Variants in GALNT13 observed in about 807,000 individuals in gnomAD.
GALNT13 encodes the protein UDP-GalNAc:polypeptide N-acetylgalactosaminyltransferase 13.
Under a neutral mutation model 64.2 loss-of-function variants are expected in GALNT13, and 28 were observed. The observed-to-expected ratio is 0.44, with a 90% CI of 0.32 to 0.60. GALNT13 has a LOEUF of 0.60. Ranked by LOEUF, GALNT13 falls within the 20% of genes least tolerant of loss-of-function variation. The pLI, the probability that GALNT13 is intolerant of heterozygous loss-of-function variation, is 0.05. For missense variants in GALNT13, 577 were observed against 669.8 expected, an observed-to-expected ratio of 0.86 and a Z score of 1.53; for synonymous variants, 214 against 224.6, an observed-to-expected ratio of 0.95 and a Z score of 0.42.
chr2:153,179,953 T>A, the GALNT13 span, among the ~76,000 whole-genome samples: 8 of 152,162 alleles, frequency 5.3e-5, no homozygotes, highest in Non-Finnish European at 1.0e-4. Context: ...TTTCTAGATA[T>A]AAGATTATGT....
chr2:153,364,487 C>T, the GALNT13 span, among the ~76,000 whole-genome samples: 1 of 152,038 alleles, frequency 6.6e-6, no homozygotes, highest in Non-Finnish European at 1.5e-5. Context: ...TAGAAAATTC[C>T]ATCATCTCAG....
At chr2:154,171,130 G>C (rs2105700294) in intron 4 of GALNT13, among the ~76,000 whole-genome samples, 1 of 152,200 alleles carries the variant, frequency 6.6e-6, no homozygotes, top group Non-Finnish European at 1.5e-5. Flanking sequence ...GCTGAAAAAA[G>C]TAACTGAGGT....
At chr2:153,833,638 G>A in the GALNT13 span, among the ~76,000 whole-genome samples, 1 of 152,074 alleles carries the variant, frequency 6.6e-6, no homozygotes, top group Non-Finnish European at 1.5e-5. Context: ...TGTACATACG[G>A]TTCAGTACTA....
At chr2:153,699,326 A>T in the GALNT13 span, among the ~76,000 whole-genome samples, 2 of 152,180 alleles carry the variant, frequency 1.3e-5, no homozygotes, top group Non-Finnish European at 2.9e-5. Flanking sequence ...TATCTCTGGG[A>T]CACAGCTAAA....
the GALNT13 span, among the ~76,000 whole-genome samples, chr2:153,383,112 T>C: frequency 1.1e-4 from 17 of 152,088 alleles, no homozygotes; most frequent in Non-Finnish European, 2.4e-4. Context: ...TAGTAGTGAA[T>C]TCACAAACTA....
At chr2:154,198,478 G>A (rs1292580687) in intron 4 of GALNT13, among the ~76,000 whole-genome samples, 1 of 151,872 alleles carries the variant, frequency 6.6e-6, no homozygotes, top group East Asian at 1.9e-4. Flanking sequence ...CATTCATAAT[G>A]ATTGTGTTTT....
intron 7 of GALNT13, chr2:154,257,592 G>A (rs1195798114): frequency 6.6e-6 from 1 of 152,056 alleles, no homozygotes. Context: ...TTCATGATAG[G>A]AACCCAGCAA....
chr2:153,567,938 T>C, the GALNT13 span, among the ~76,000 whole-genome samples: 3 of 152,220 alleles, frequency 2.0e-5, no homozygotes, highest in Non-Finnish European at 4.4e-5. Flanking sequence ...TAAGCTTACT[T>C]AGCATTTGGT....
chr2:153,159,013 G>T, the GALNT13 span: 1 of 171,056 alleles, frequency 5.8e-6, no homozygotes, highest in East Asian at 1.4e-4. Flanking sequence ...CCCAGTCCAG[G>T]GGTATTGCAG....
the GALNT13 span, among the ~76,000 whole-genome samples, chr2:153,109,683 C>T: frequency 1.3e-5 from 2 of 152,100 alleles, no homozygotes; most frequent in Non-Finnish European, 2.9e-5. Flanking sequence ...TTTTATTCTT[C>T]TTCTGTGGAC....
chr2:153,883,843 T>C (rs528868003), intron 1 of GALNT13, among the ~76,000 whole-genome samples: 7 of 152,170 alleles, frequency 4.6e-5, no homozygotes, highest in Non-Finnish European at 1.0e-4. Flanking sequence ...AAATGAATAA[T>C]ATTTTTATAT....
the GALNT13 span, among the ~76,000 whole-genome samples, chr2:153,771,421 T>C: frequency 6.6e-6 from 1 of 152,040 alleles, no homozygotes; most frequent in East Asian, 1.9e-4. Context: ...AAGGAAATGG[T>C]ACCTCAGGCT....
intron 9 of GALNT13, among the ~76,000 whole-genome samples, chr2:154,302,596 G>T (rs1693505238): frequency 6.6e-6 from 1 of 152,204 alleles, no homozygotes; most frequent in Non-Finnish European, 1.5e-5. Context: ...AGTGAACCTG[G>T]CCCAAGGCAC....
At chr2:153,828,098 G>T in the GALNT13 span, among the ~76,000 whole-genome samples, 2 of 152,220 alleles carry the variant, frequency 1.3e-5, no homozygotes, top group African/African-American at 2.4e-5. Context: ...CTGTCGCTTT[G>T]CAGGGTACAG....
chr2:153,662,504 G>C, the GALNT13 span, among the ~76,000 whole-genome samples: 1 of 152,172 alleles, frequency 6.6e-6, no homozygotes, highest in Non-Finnish European at 1.5e-5. Flanking sequence ...CAATCAGGAA[G>C]TCAAACCTAA....
At chr2:154,236,227 A>C in intron 4 of GALNT13, 1 of 891,936 alleles carries the variant, frequency 1.1e-6, no homozygotes, top group Non-Finnish European at 1.4e-6. Context: ...AGAGATGTTA[A>C]CCTCATGCAT....
chr2:154,313,108 A>G (rs1694134539), intron 9 of GALNT13, among the ~76,000 whole-genome samples: 1 of 151,556 alleles, frequency 6.6e-6, no homozygotes, highest in Non-Finnish European at 1.5e-5. Flanking sequence ...TTGAATAATT[A>G]TGTTCTCAAA....
intron 11 of GALNT13, among the ~76,000 whole-genome samples, chr2:154,428,024 G>A (rs1264763840): frequency 6.6e-6 from 1 of 152,094 alleles, no homozygotes; most frequent in Admixed American, 6.5e-5. Flanking sequence ...ATTTTCTTGG[G>A]TTATTTTTAC....
the GALNT13 span, among the ~76,000 whole-genome samples, chr2:153,430,669 A>T: frequency 1.3e-5 from 2 of 151,198 alleles, no homozygotes; most frequent in African/African-American, 2.4e-5. Flanking sequence ...TATGTCAATA[A>T]ACTGCTTATA....
Sources: allele counts gnomAD v4.1 joint callset (sites outside exome capture counted in the v4.1 genomes callset), GRCh38; gene constraint gnomAD v4.1.1; transcripts MANE v1.5; gene names NCBI Gene and HGNC (gene_info 2026-07-23, HGNC 2026-07-21).